The following FAM107B variants were observed in gnomAD, a reference collection of about 807,000 sequenced individuals.
FAM107B encodes the protein family with sequence similarity 107 member B.
Under a neutral mutation model 31.5 loss-of-function variants are expected in FAM107B, and 21 were observed. The ratio of observed to expected loss-of-function variants is 0.67; its 90% CI spans 0.47 to 0.96. The LOEUF (loss-of-function observed/expected upper bound fraction) is 0.96, where lower values mean the gene tolerates loss of function less well. Ranked by LOEUF, FAM107B falls within the 40% of genes least tolerant of loss-of-function variation. The pLI is 0.00. For missense variants in FAM107B, 452 were observed against 377.1 expected (o/e 1.20, Z -1.64); for synonymous variants, 157 against 141.5 (o/e 1.11, Z -0.78).
intron 2 of FAM107B, among the ~76,000 whole-genome samples, chr10:14,609,149 A>G (rs1003711934): frequency 4.6e-5 from 7 of 152,248 alleles, no homozygotes; most frequent in African/African-American, 1.7e-4. Context: ...CTTTGGGACT[A>G]TAATGCAACT....
chr10:14,753,888 A>G (rs1372197969), intron 1 of FAM107B, among the ~76,000 whole-genome samples: 2 of 151,930 alleles, frequency 1.3e-5, no homozygotes, highest in African/African-American at 2.4e-5. Flanking sequence ...TAAAAAAAAA[A>G]TCTTGAATCC....
chr10:14,718,642 C>A (rs1434837606), intron 1 of FAM107B, among the ~76,000 whole-genome samples: 1 of 152,208 alleles, frequency 6.6e-6, no homozygotes, highest in East Asian at 1.9e-4. Context: ...CACCAACCAA[C>A]TGAAGATGAG....
At chr10:14,595,422 C>CTTTTTTTTTTTTTTTTT (rs35540585) in intron 2 of FAM107B, among the ~76,000 whole-genome samples, 1 of 98,148 alleles carries the variant, frequency 1.0e-5, no homozygotes, top group Admixed American at 1.4e-4. Context: ...CTAGGGCAAC[C>CTTTTTTTTTTTTTTTTT]TTTTTTTTTT....
intron 2 of FAM107B, among the ~76,000 whole-genome samples, chr10:14,616,749 C>A (rs927327033): frequency 6.6e-6 from 1 of 152,074 alleles, no homozygotes; most frequent in Non-Finnish European, 1.5e-5. Flanking sequence ...ATGGGGAAAC[C>A]CTGCCTCTGC....
chr10:14,649,114 A>C (rs762081283), intron 2 of FAM107B, among the ~76,000 whole-genome samples: 6 of 152,236 alleles, frequency 3.9e-5, no homozygotes, highest in Non-Finnish European at 8.8e-5. Flanking sequence ...ATGGGAATGC[A>C]TGATCAGACA....
At chr10:14,721,781 C>T (rs1000854712) in intron 1 of FAM107B, among the ~76,000 whole-genome samples, 5 of 152,176 alleles carry the variant, frequency 3.3e-5, no homozygotes, top group African/African-American at 1.2e-4. Context: ...AAAATTTTCT[C>T]CCATTCTGTA....
chr10:14,543,695 A>AG (rs1848445963), intron 2 of FAM107B, among the ~76,000 whole-genome samples: 1 of 151,714 alleles, frequency 6.6e-6, no homozygotes, highest in Non-Finnish European at 1.5e-5. Flanking sequence ...AAACTTTAAA[A>AG]AAAAAAAAAA....
chr10:14,550,420 TACTC>T (rs1386437033), intron 2 of FAM107B, among the ~76,000 whole-genome samples: 2 of 152,190 alleles, frequency 1.3e-5, no homozygotes, highest in African/African-American at 2.4e-5. Context: ...TCCATCAAGT[TACTC>T]ACTCTGGCAA....
intron 2 of FAM107B, among the ~76,000 whole-genome samples, chr10:14,657,582 A>G (rs1447174373): frequency 1.3e-5 from 2 of 152,176 alleles, no homozygotes; most frequent in Non-Finnish European, 2.9e-5. Context: ...TAGCATGTGG[A>G]AATAAATCTA....
chr10:14,751,207 A>C (rs1832821233), intron 1 of FAM107B, among the ~76,000 whole-genome samples: 1 of 152,204 alleles, frequency 6.6e-6, no homozygotes, highest in Non-Finnish European at 1.5e-5. Flanking sequence ...ACCCCACCCC[A>C]GCCTCCCCAA....
At chr10:14,762,340 G>A (rs74122991) in intron 1 of FAM107B, among the ~76,000 whole-genome samples, 5,322 of 152,218 alleles carry the variant, frequency 0.035, 301 homozygotes, top group African/African-American at 0.12. Context: ...GACCCTAATC[G>A]GGAACCTGCA....
intron 2 of FAM107B, among the ~76,000 whole-genome samples, chr10:14,536,274 T>C (rs1285809550): frequency 6.6e-6 from 1 of 152,236 alleles, no homozygotes; most frequent in Non-Finnish European, 1.5e-5. Context: ...CGTGGCAACG[T>C]GTACAGTTTA....
intron 3 of FAM107B, chr10:14,522,228 T>C (rs952075910): frequency 1.6e-6 from 1 of 631,064 alleles, no homozygotes; most frequent in East Asian, 3.0e-5. Context: ...GTACATAAAA[T>C]CCATTCATTC....
chr10:14,758,873 G>GAAAAAAAAAAAA (rs57967855), intron 1 of FAM107B, among the ~76,000 whole-genome samples: 1 of 38,968 alleles, frequency 2.6e-5, no homozygotes, highest in Non-Finnish European at 4.8e-5. Flanking sequence ...GACCCTCTCA[G>GAAAAAAAAAAAA]AAAAAAAAAA....
intron 1 of FAM107B, among the ~76,000 whole-genome samples, chr10:14,763,600 C>T (rs549609216): frequency 1.3e-5 from 2 of 152,244 alleles, no homozygotes; most frequent in South Asian, 4.1e-4. Flanking sequence ...AGGGTTCCGG[C>T]AAAAACTCAG....
chr10:14,744,362 T>C (rs1444879192), intron 1 of FAM107B, among the ~76,000 whole-genome samples: 3 of 152,218 alleles, frequency 2.0e-5, no homozygotes, highest in Non-Finnish European at 4.4e-5. Context: ...CTGATTGCCC[T>C]GACCAGAACT....
chr10:14,570,131 T>A (rs927039859), intron 2 of FAM107B, among the ~76,000 whole-genome samples: 47 of 152,298 alleles, frequency 3.1e-4, no homozygotes, highest in African/African-American at 1.0e-3. Flanking sequence ...TAAATGTGAA[T>A]GCATACAAGG....
chr10:14,661,049 T>C (rs1162247450), intron 2 of FAM107B, among the ~76,000 whole-genome samples: 1 of 152,180 alleles, frequency 6.6e-6, no homozygotes, highest in Non-Finnish European at 1.5e-5. Context: ...CACTTCGCCC[T>C]CTTCCTCCTT....
At chr10:14,675,309 CCTAT>C (rs1373347654) in intron 1 of FAM107B, among the ~76,000 whole-genome samples, 2 of 152,212 alleles carry the variant, frequency 1.3e-5, no homozygotes, top group African/African-American at 2.4e-5. Flanking sequence ...CCCCAGTTTT[CCTAT>C]CTATCTGATA....
Sources: gnomAD v4.1 joint callset for allele counts (sites outside exome capture counted in the v4.1 genomes callset) on GRCh38, gnomAD v4.1.1 for gene constraint, MANE v1.5 for transcripts, NCBI Gene and HGNC (gene_info 2026-07-23, HGNC 2026-07-21) for gene names.